Variants in CADM2 observed in about 807,000 individuals in gnomAD.
CADM2 encodes the protein immunoglobulin superfamily member 4D.
A neutral mutation model predicts 49.8 loss-of-function variants in CADM2; 12 were observed. That is an observed-to-expected ratio of 0.24 (90% CI 0.15 to 0.39). The LOEUF (loss-of-function observed/expected upper bound fraction) is 0.39. Ranked by LOEUF, CADM2 falls within the 10% of genes least tolerant of loss-of-function variation. The probability of loss-of-function intolerance (pLI) is 1.00; values close to 1 mark genes in which losing one functional copy is unlikely to be tolerated. For missense variants in CADM2, 378 were observed against 492.3 expected (o/e 0.77, Z 2.20); for synonymous variants, 214 against 175.4 (o/e 1.22, Z -1.74).
intron 1 of CADM2, among the ~76,000 whole-genome samples, chr3:85,036,094 T>C (rs987943264): frequency 6.6e-6 from 1 of 152,140 alleles, no homozygotes; most frequent in African/African-American, 2.4e-5. Flanking sequence ...AAAGGACATA[T>C]AAGAATGTTA....
At chr3:85,315,474 C>A in intron 1 of CADM2, among the ~76,000 whole-genome samples, 1 of 152,102 alleles carries the variant, frequency 6.6e-6, no homozygotes, top group Middle Eastern at 3.4e-3. Flanking sequence ...AAGAGTAAAA[C>A]TAAATAGCAA....
At chr3:85,097,944 T>C (rs1349148701) in intron 1 of CADM2, among the ~76,000 whole-genome samples, 1 of 152,208 alleles carries the variant, frequency 6.6e-6, no homozygotes, top group East Asian at 1.9e-4. Context: ...TTTAGTGGAA[T>C]ATAAATTGTA....
chr3:85,219,480 T>A (rs1018098459), intron 1 of CADM2, among the ~76,000 whole-genome samples: 2 of 152,152 alleles, frequency 1.3e-5, no homozygotes, highest in African/African-American at 4.8e-5. Context: ...TTTAAAAGTA[T>A]CCATCAACTC....
intron 1 of CADM2, among the ~76,000 whole-genome samples, chr3:85,323,777 T>C (rs576035389): frequency 6.6e-6 from 1 of 152,334 alleles, no homozygotes; most frequent in African/African-American, 2.4e-5. Context: ...AACAGTGTCA[T>C]ACCTTGTTTT....
chr3:85,438,997 T>A (rs1314973681), intron 1 of CADM2, among the ~76,000 whole-genome samples: 3 of 150,372 alleles, frequency 2.0e-5, no homozygotes, highest in Admixed American at 6.6e-5. Flanking sequence ...CTCATCTTAT[T>A]TCTTGATAAA....
At chr3:85,757,880 G>A (rs2069195104) in intron 2 of CADM2, among the ~76,000 whole-genome samples, 1 of 152,162 alleles carries the variant, frequency 6.6e-6, no homozygotes, top group South Asian at 2.1e-4. Flanking sequence ...CTGAGTTTTA[G>A]TAGAGTGGGT....
intron 1 of CADM2, among the ~76,000 whole-genome samples, chr3:85,419,666 C>T (rs201547056): frequency 6.6e-6 from 1 of 152,176 alleles, no homozygotes; most frequent in East Asian, 1.9e-4. Context: ...CATATTAGGA[C>T]AGTTGCCACC....
At chr3:86,029,654 TACTC>T (rs1325957781) in intron 8 of CADM2, among the ~76,000 whole-genome samples, 3 of 151,986 alleles carry the variant, frequency 2.0e-5, no homozygotes, top group Admixed American at 6.6e-5. Context: ...ATAAGTGACT[TACTC>T]ACCATCCCTC....
intron 3 of CADM2, among the ~76,000 whole-genome samples, chr3:85,867,797 G>A (rs1254965253): frequency 6.6e-6 from 1 of 151,988 alleles, no homozygotes; most frequent in African/African-American, 2.4e-5. Context: ...TAAAAACAGT[G>A]AATCGGCAAG....
At chr3:86,000,150 A>G (rs182120152) in intron 8 of CADM2, among the ~76,000 whole-genome samples, 4 of 152,300 alleles carry the variant, frequency 2.6e-5, no homozygotes, top group Admixed American at 2.0e-4. Context: ...AGTTTGCCAG[A>G]AAAGGGGGAA....
intron 5 of CADM2, among the ~76,000 whole-genome samples, chr3:85,892,253 G>T (rs1482350295): frequency 6.6e-6 from 1 of 152,210 alleles, no homozygotes; most frequent in East Asian, 1.9e-4. Flanking sequence ...TGGACAGATG[G>T]AGTAAAAGCA....
chr3:85,920,805 A>T (rs1241895207), intron 6 of CADM2, among the ~76,000 whole-genome samples: 2 of 151,600 alleles, frequency 1.3e-5, no homozygotes, highest in Non-Finnish European at 3.0e-5. Flanking sequence ...GTGTGTTATT[A>T]AAACTCATTG....
chr3:85,183,744 G>A (rs1193551549), intron 1 of CADM2, among the ~76,000 whole-genome samples: 2 of 152,104 alleles, frequency 1.3e-5, no homozygotes, highest in Non-Finnish European at 2.9e-5. Flanking sequence ...TTAAAGACTT[G>A]AAGATTGCAA....
Position 85,961,478 on chromosome 3 carries a change from T to C in CADM2, c.801T>C (p.Pro267=). The change falls in exon 8 of 10, where the codon CCT becomes CCC. Residue 267 remains proline, a synonymous_variant. Coordinates refer to ENST00000383699, the MANE Select transcript of CADM2 (RefSeq NM_001167675.2). The part of the protein sequence containing the change: ...CESKGKPLPE[P]VLWTKDGGEL... ...TGTTTCAATCCAATAGGCCAGAACCTGTTTTGTGGACAAAGGATGGCGGAG... is the reference window on the plus strand; with the variant it reads ...TGTTTCAATCCAATAGGCCAGAACCCGTTTTGTGGACAAAGGATGGCGGAG... 1 of 1,594,530 alleles carries C rather than the reference T, an allele frequency of 6.3e-7. No individual in the cohort carries two copies. Among genetic ancestry groups the C allele is most frequent in the Non-Finnish European group, 8.6e-7 (1 of 1,165,892 alleles).
chr3:85,111,547 G>A (rs1337653806), intron 1 of CADM2, among the ~76,000 whole-genome samples: 1 of 151,790 alleles, frequency 6.6e-6, no homozygotes, highest in Non-Finnish European at 1.5e-5. Flanking sequence ...TCACTTATTT[G>A]TGGGATCTAA....
At chr3:85,031,415 C>G (rs986627764) in intron 1 of CADM2, among the ~76,000 whole-genome samples, 1 of 152,154 alleles carries the variant, frequency 6.6e-6, no homozygotes, top group Non-Finnish European at 1.5e-5. Flanking sequence ...ACTTGTGGAT[C>G]CTGGAACTTA....
rs147984969 is a variant in CADM2 at position 85,546,607 on chromosome 3, G to T, written c.62-179915G>T. 2.9e-3 allele frequency among the ~76,000 whole-genome samples: 438 copies of T among 152,160 alleles called. 4 individuals carry two copies. Among genetic ancestry groups the T allele is most frequent in the African/African-American group, 0.01 (426 of 41,530 alleles). Reference sequence around the variant, plus strand: ...ATATGATAAAATTAATTGGATAAAAGATAATAAAAGGATGGAAGTGGTAGT... The same window carrying T: ...ATATGATAAAATTAATTGGATAAAATATAATAAAAGGATGGAAGTGGTAGT... On this transcript the variant is annotated intron_variant, in intron 1 of 9. Transcript: ENST00000383699.
intron 3 of CADM2, among the ~76,000 whole-genome samples, chr3:85,837,529 G>T (rs771691162): frequency 4.0e-5 from 6 of 151,550 alleles, no homozygotes; most frequent in Non-Finnish European, 8.9e-5. Flanking sequence ...AAGACACTTT[G>T]TACAAAGTGG....
chr3:85,614,043 T>C (rs558861387), intron 1 of CADM2, among the ~76,000 whole-genome samples: 4 of 151,796 alleles, frequency 2.6e-5, no homozygotes, highest in Admixed American at 6.6e-5. Context: ...TAAGAATGTT[T>C]GTTGCAAAAT....
Sources: gnomAD v4.1 joint callset for allele counts (sites outside exome capture counted in the v4.1 genomes callset) on GRCh38, gnomAD v4.1.1 for gene constraint, MANE v1.5 for transcripts, NCBI Gene and HGNC (gene_info 2026-07-23, HGNC 2026-07-21) for gene names.